CNTNAP3B: variants seen among roughly 807,000 people sequenced by gnomAD.
CNTNAP3B encodes the protein contactin-associated protein-like 3B.
Under a neutral mutation model 108.9 loss-of-function variants are expected in CNTNAP3B, and 25 were observed. That is an observed-to-expected ratio of 0.23 (90% CI 0.17 to 0.32). The LOEUF is 0.32. Ranked by LOEUF, CNTNAP3B falls within the 10% of genes least tolerant of loss-of-function variation. The pLI, the probability that CNTNAP3B is intolerant of heterozygous loss-of-function variation, is 1.00. For missense variants in CNTNAP3B, 252 were observed against 1,210.4 expected, an observed-to-expected ratio of 0.21 and a Z score of 11.75; for synonymous variants, 103 against 473.4, an observed-to-expected ratio of 0.22 and a Z score of 10.16.
At chr9:41,955,648 TA>T (rs1824834764) in intron 12 of CNTNAP3B, among the ~76,000 whole-genome samples, 1 of 152,266 alleles carries the variant, frequency 6.6e-6, no homozygotes. Context: ...TGGACCTGAG[TA>T]GATTAATTAT....
At chr9:42,112,626 G>T (rs1014581287) in intron 1 of CNTNAP3B, among the ~76,000 whole-genome samples, 1 of 136,828 alleles carries the variant, frequency 7.3e-6, no homozygotes, top group Admixed American at 7.3e-5. Flanking sequence ...ATTTACAGGG[G>T]GTAGGAGATA....
chr9:42,093,268 C>T (rs1459942176), intron 2 of CNTNAP3B, among the ~76,000 whole-genome samples: 1 of 95,050 alleles, frequency 1.1e-5, no homozygotes, highest in Non-Finnish European at 2.2e-5. Context: ...TAGCTTGAAC[C>T]CAGGAAGCGG....
At chr9:41,915,909 G>C (rs961971930) in intron 18 of CNTNAP3B, among the ~76,000 whole-genome samples, 1 of 150,896 alleles carries the variant, frequency 6.6e-6, no homozygotes, top group Non-Finnish European at 1.5e-5. Context: ...ATTGCTCTAA[G>C]CTTGCATTAT....
chr9:41,926,108 G>A (rs1823812079), intron 15 of CNTNAP3B, among the ~76,000 whole-genome samples: 1 of 152,272 alleles, frequency 6.6e-6, no homozygotes, highest in Non-Finnish European at 1.5e-5. Context: ...TAAAATCCAT[G>A]AGTTCATGTG....
At chr9:42,068,354 C>T in intron 3 of CNTNAP3B, among the ~76,000 whole-genome samples, 1 of 24,870 alleles carries the variant, frequency 4.0e-5, no homozygotes, top group South Asian at 1.6e-3. Context: ...CAAAATGATA[C>T]TGAAGTGCTA....
intron 14 of CNTNAP3B, among the ~76,000 whole-genome samples, chr9:41,933,691 G>A (rs1347431110): frequency 1.3e-5 from 2 of 152,348 alleles, no homozygotes; most frequent in Non-Finnish European, 2.9e-5. Context: ...TTTCTATGTA[G>A]GCAATCATAT....
chr9:42,023,279 T>A (rs1325912920), intron 3 of CNTNAP3B, among the ~76,000 whole-genome samples: 1 of 151,402 alleles, frequency 6.6e-6, no homozygotes, highest in Non-Finnish European at 1.5e-5. Flanking sequence ...CTCTGAAACT[T>A]TTTAATAAAC....
intron 15 of CNTNAP3B, among the ~76,000 whole-genome samples, chr9:41,924,832 T>A (rs1210087034): frequency 1.9e-4 from 29 of 152,294 alleles, no homozygotes; most frequent in African/African-American, 7.0e-4. Context: ...GTACAGTGTG[T>A]GAGTCTTTTC....
At chr9:41,940,218 G>T (rs1009818095) in intron 13 of CNTNAP3B, among the ~76,000 whole-genome samples, 3 of 152,422 alleles carry the variant, frequency 2.0e-5, no homozygotes, top group Non-Finnish European at 2.9e-5. Context: ...CCCACATGTG[G>T]TGAAAGATAC....
intron 14 of CNTNAP3B, among the ~76,000 whole-genome samples, chr9:41,930,597 C>T (rs1340911855): frequency 4.6e-5 from 7 of 152,288 alleles, no homozygotes; most frequent in South Asian, 2.1e-4. Context: ...CACCTTTTGT[C>T]GAACAGACAT....
rs1286244978 is a variant in CNTNAP3B, at chr9:42,120,428, A to T, written c.85+8582T>A. Among the ~76,000 whole-genome samples, 4 of 138,042 alleles carry T rather than the reference A, an allele frequency of 2.9e-5. 1 individual carries two copies. The highest frequency in any genetic ancestry group is 5.8e-5 in the African/African-American group (2 of 34,500). The allele number at this position is 138,042 out of a possible 152,430, so 90.6% of individuals were successfully genotyped here. ...AAGTCAGTGTGGCAATTCCTCAGGG[A>T]TCTAGAACTAGAAATACCATTTGAC... On this transcript the variant is annotated intron_variant, in intron 1 of 23. Coordinates refer to ENST00000377561, the MANE Select transcript of CNTNAP3B (RefSeq NM_001201380.3).
intron 10 of CNTNAP3B, among the ~76,000 whole-genome samples, chr9:41,969,676 G>A (rs1324479518): frequency 1.3e-5 from 2 of 151,768 alleles, no homozygotes; most frequent in Non-Finnish European, 2.9e-5. Context: ...GGAGTGCAGT[G>A]GCGCGATCTC....
chr9:42,082,845 A>C (rs1346708453), intron 2 of CNTNAP3B, among the ~76,000 whole-genome samples: 1 of 141,750 alleles, frequency 7.1e-6, no homozygotes, highest in Non-Finnish European at 1.5e-5. Flanking sequence ...AATCATATAA[A>C]CAATCATATT....
intron 18 of CNTNAP3B, among the ~76,000 whole-genome samples, chr9:41,913,642 A>G (rs1823457330): frequency 7.1e-6 from 1 of 140,750 alleles, no homozygotes; most frequent in Non-Finnish European, 1.5e-5. Context: ...TCTTCCCAAA[A>G]TTAAACTCTA....
At chr9:42,116,854 A>G (rs534781653) in intron 1 of CNTNAP3B, among the ~76,000 whole-genome samples, 2 of 138,368 alleles carry the variant, frequency 1.4e-5, no homozygotes, top group Non-Finnish European at 3.1e-5. Flanking sequence ...GGAAAACAAA[A>G]AAAAAGCAGG....
intron 9 of CNTNAP3B, among the ~76,000 whole-genome samples, chr9:41,982,241 GT>G (rs1410403577): frequency 1.7e-5 from 1 of 60,468 alleles, no homozygotes; most frequent in Admixed American, 2.1e-4. Flanking sequence ...AAACTAAAGG[GT>G]TTCTGCACAG....
rs1377731551 is a variant in CNTNAP3B, at chr9:42,056,420, G to A, written c.390+20449C>T. Among the ~76,000 whole-genome samples the A allele has an allele frequency of 2.9e-5, 4 of 138,494 alleles. No individual in the cohort carries two copies. The Admixed American group carries it at 2.9e-4, about 10-fold the overall frequency. 90.9% of individuals were successfully genotyped at this position (138,494 alleles called of 152,430 possible). On this transcript the variant is annotated intron_variant, in intron 3 of 23. Transcript: ENST00000377561. ...GGCTGGAGTGCAGTGGCGCAATCTT[G>A]GCTCACTGCAAGCTCCACCTCCCGG...
At position 42,046,674 on chromosome 9, in the gene CNTNAP3B, C is replaced by A. The variant is rs566255228; in HGVS notation, c.390+30195G>T. 6.4e-3 allele frequency among the ~76,000 whole-genome samples: 606 copies of A among 94,602 alleles called. 181 individuals are homozygous for A. Among genetic ancestry groups the A allele is most frequent in the African/African-American group, 0.023 (579 of 25,052 alleles). 62.1% of individuals were successfully genotyped at this position (94,602 alleles called of 152,430 possible). On this transcript the variant is annotated intron_variant, in intron 3 of 23. Coordinates refer to ENST00000377561, the MANE Select transcript of CNTNAP3B (RefSeq NM_001201380.3). ...TTAAAATATGTTCCCTTCTTTTTAA[C>A]TTTCAGCAAGCTTAACAGATTTCAA...
intron 18 of CNTNAP3B, among the ~76,000 whole-genome samples, chr9:41,915,856 G>A (rs1238868656): frequency 2.0e-5 from 3 of 150,962 alleles, no homozygotes; most frequent in Non-Finnish European, 3.0e-5. Flanking sequence ...TGGTATATAG[G>A]CCTTTTAATA....
Sources: allele counts gnomAD v4.1 joint callset (sites outside exome capture counted in the v4.1 genomes callset), GRCh38; gene constraint gnomAD v4.1.1; transcripts MANE v1.5; gene names NCBI Gene and HGNC (gene_info 2026-07-23, HGNC 2026-07-21).